HSD17B12: variants seen among roughly 807,000 people sequenced by gnomAD.
HSD17B12 encodes the protein hydroxysteroid 17-beta dehydrogenase 12, also known as very-long-chain 3-oxoacyl-CoA reductase.
Under a neutral mutation model 39.3 loss-of-function variants are expected in HSD17B12, and 32 were observed. The ratio of observed to expected loss-of-function variants is 0.81; its 90% CI spans 0.61 to 1.09. The LOEUF is 1.09. HSD17B12 is among the 50% of genes least tolerant of loss of function. The probability of loss-of-function intolerance (pLI) is 0.00; values close to 1 mark genes in which losing one functional copy is unlikely to be tolerated. For missense variants in HSD17B12, 342 were observed against 382.9 expected (o/e 0.89, Z 0.89); for synonymous variants, 150 against 146.7 (o/e 1.02, Z -0.16).
At chr11:43,731,195 C>T (rs1340264514) in intron 1 of HSD17B12, among the ~76,000 whole-genome samples, 4 of 152,136 alleles carry the variant, frequency 2.6e-5, no homozygotes, top group Non-Finnish European at 5.9e-5. Context: ...CGGGGTTTCA[C>T]CATGTTGACC....
chr11:43,665,029 T>C, the HSD17B12 span, among the ~76,000 whole-genome samples: 2 of 152,318 alleles, frequency 1.3e-5, no homozygotes, highest in East Asian at 3.9e-4. Context: ...TGTTAAAGTC[T>C]TTATAGAAAA....
intron 1 of HSD17B12, among the ~76,000 whole-genome samples, chr11:43,730,253 A>T (rs1292514394): frequency 1.3e-5 from 2 of 152,204 alleles, no homozygotes; most frequent in Non-Finnish European, 2.9e-5. Flanking sequence ...CTATTGGTCA[A>T]TCCACCACTA....
the HSD17B12 span, among the ~76,000 whole-genome samples, chr11:43,589,064 G>A: frequency 6.6e-6 from 1 of 151,768 alleles, no homozygotes; most frequent in Non-Finnish European, 1.5e-5. Flanking sequence ...CATATATCCA[G>A]TCCTAAATTT....
chr11:43,668,346 ATC>A, the HSD17B12 span, among the ~76,000 whole-genome samples: 1 of 152,148 alleles, frequency 6.6e-6, no homozygotes, highest in Non-Finnish European at 1.5e-5. Context: ...CCACAGTCAC[ATC>A]TCTCTCTTTG....
chr11:43,852,874 C>A (rs750370859), intron 9 of HSD17B12: 19 of 152,130 alleles, frequency 1.2e-4, no homozygotes, highest in Non-Finnish European at 2.1e-4. Flanking sequence ...TAGTATGAGT[C>A]TGTGGCTGCA....
At chr11:43,640,450 G>A in the HSD17B12 span, among the ~76,000 whole-genome samples, 8 of 152,114 alleles carry the variant, frequency 5.3e-5, no homozygotes, top group Non-Finnish European at 7.4e-5. Flanking sequence ...CCTAAATTGA[G>A]TATTCAGCAT....
At chr11:43,754,868 C>G (rs1245044194) in intron 3 of HSD17B12, 2 of 759,774 alleles carry the variant, frequency 2.6e-6, no homozygotes, top group African/African-American at 3.4e-5. Flanking sequence ...GAACTTTCTT[C>G]TTAGGCAATT....
At chr11:43,614,768 T>A in the HSD17B12 span, among the ~76,000 whole-genome samples, 18,188 of 152,124 alleles carry the variant, frequency 0.12, 1,403 homozygotes, top group Middle Eastern at 0.24. Flanking sequence ...AGATTTTTTT[T>A]ATTTTAGATA....
rs59970877 is a variant in HSD17B12 at position 43,810,367 on chromosome 11, T to TTATATATATATATATA, written c.392-5049_392-5034dup. ...ATTTTAAAGCAGTATAATTTAGAAA[T>TTATATATATATATATA]TATATATATATATATATATATATAT... is the stretch of plus-strand genomic sequence containing the variant. On this transcript the variant is annotated intron_variant, in intron 4 of 10. Transcript: ENST00000278353. Among the ~76,000 whole-genome samples the TTATATATATATATATA allele has an allele frequency of 9.6e-3, 569 of 59,018 alleles. 18 individuals carry two copies. Among genetic ancestry groups the TTATATATATATATATA allele is most frequent in the African/African-American group, 0.027 (404 of 14,800 alleles). 38.7% of individuals were successfully genotyped at this position (59,018 alleles called of 152,430 possible).
upstream of HSD17B12, chr11:43,680,452 C>G (rs1451976388): frequency 3.8e-6 from 1 of 263,446 alleles, no homozygotes; most frequent in African/African-American, 2.3e-5. Flanking sequence ...GAGCTCAAAC[C>G]AGCCTGGGTC....
chr11:43,724,951 T>C (rs1177435217), intron 1 of HSD17B12, among the ~76,000 whole-genome samples: 1 of 152,216 alleles, frequency 6.6e-6, no homozygotes, highest in African/African-American at 2.4e-5. Flanking sequence ...AAAACTCAGA[T>C]TCCCAGAGCA....
chr11:43,780,158 T>C (rs1366261695), intron 3 of HSD17B12, among the ~76,000 whole-genome samples: 1 of 152,104 alleles, frequency 6.6e-6, no homozygotes, highest in Non-Finnish European at 1.5e-5. Flanking sequence ...TATCATCTCA[T>C]GTGTATGGTA....
intron 1 of HSD17B12, among the ~76,000 whole-genome samples, chr11:43,690,385 TATATATATATATATATATA>T (rs1171757908): frequency 0.01 from 152 of 15,058 alleles, 8 homozygotes; most frequent in African/African-American, 0.03. Flanking sequence ...TATATATATA[TATATATATATATATATATA>T]TTTTTTTTTT....
chr11:43,718,800 C>T (rs573951561), intron 1 of HSD17B12: 57 of 936,220 alleles, frequency 6.1e-5, no homozygotes, highest in African/African-American at 8.1e-5. Context: ...AAGACCCGCA[C>T]GTCACCCGCC....
the HSD17B12 span, among the ~76,000 whole-genome samples, chr11:43,643,895 T>G: frequency 3.9e-5 from 6 of 152,174 alleles, no homozygotes; most frequent in Admixed American, 3.9e-4. Flanking sequence ...GAAGATTAAT[T>G]GAAGTTAAGT....
the HSD17B12 span, among the ~76,000 whole-genome samples, chr11:43,601,443 T>G: frequency 6.6e-6 from 1 of 152,180 alleles, no homozygotes; most frequent in East Asian, 1.9e-4. Context: ...TAGTGATGTC[T>G]TGACTCCCAT....
intron 1 of HSD17B12, among the ~76,000 whole-genome samples, chr11:43,736,835 A>G (rs1334247034): frequency 6.6e-6 from 1 of 152,120 alleles, no homozygotes; most frequent in Non-Finnish European, 1.5e-5. Flanking sequence ...GCTCTCAGGG[A>G]CTTCTGTGGT....
chr11:43,698,800 G>A (rs12275247), intron 1 of HSD17B12, among the ~76,000 whole-genome samples: 2 of 152,116 alleles, frequency 1.3e-5, no homozygotes, highest in Admixed American at 6.5e-5. Flanking sequence ...TAGAATTGCC[G>A]TATGAGTTGA....
intron 3 of HSD17B12, among the ~76,000 whole-genome samples, chr11:43,790,847 A>G (rs1950861238): frequency 6.6e-6 from 1 of 151,962 alleles, no homozygotes; most frequent in South Asian, 2.1e-4. Context: ...TACAAAAATT[A>G]ACAGGGCATG....
Sources: allele counts gnomAD v4.1 joint callset (sites outside exome capture counted in the v4.1 genomes callset), GRCh38; gene constraint gnomAD v4.1.1; transcripts MANE v1.5; gene names NCBI Gene and HGNC (gene_info 2026-07-23, HGNC 2026-07-21).